Variants in ICA1 observed in about 807,000 individuals in gnomAD.
ICA1 encodes 69 kDa islet cell autoantigen.
Under a neutral mutation model 71.0 loss-of-function variants are expected in ICA1, and 40 were observed. The ratio of observed to expected loss-of-function variants is 0.56; its 90% CI spans 0.44 to 0.73. The LOEUF is 0.73. Among genes scored for constraint, ICA1 ranks in the 30% least tolerant of loss-of-function variants. ICA1 has a pLI of 0.00. For missense variants in ICA1, 578 were observed against 576.5 expected, an observed-to-expected ratio of 1.00 and a Z score of -0.03; for synonymous variants, 207 against 209.5, an observed-to-expected ratio of 0.99 and a Z score of 0.10.
In ICA1 at chr7:8,255,779, C is replaced by CTTTTTTT. The variant is rs573673718; in HGVS notation, c.-80+6308_-80+6314dup. 8.3e-4 allele frequency among the ~76,000 whole-genome samples: 110 copies of CTTTTTTT among 132,902 alleles called. 2 individuals are homozygous for CTTTTTTT. Among genetic ancestry groups the CTTTTTTT allele is most frequent in the African/African-American group, 2.7e-3 (90 of 32,884 alleles). 87.2% of individuals were successfully genotyped at this position (132,902 alleles called of 152,430 possible). On this transcript the variant is annotated intron_variant, in intron 1 of 13. Coordinates refer to ENST00000402384, the MANE Select transcript of ICA1 (RefSeq NM_001136020.3). The stretch of plus-strand genomic sequence containing the variant: ...TAAGTTGAAAACCTCACTTCTTTCT[C>CTTTTTTT]TTTTTTTTTTTTTTTGGCAGGGTCT...
intron 1 of ICA1, among the ~76,000 whole-genome samples, chr7:8,240,808 T>C (rs898851395): frequency 1.3e-5 from 2 of 151,962 alleles, no homozygotes; most frequent in Admixed American, 6.6e-5. Context: ...GAAGAAAGGG[T>C]AGGTATCAGT....
chr7:8,236,191 C>A (rs750826415), intron 1 of ICA1, among the ~76,000 whole-genome samples, 186 bp from the exon 2 acceptor site: 1 of 152,002 alleles, frequency 6.6e-6, no homozygotes, highest in African/African-American at 2.4e-5. Flanking sequence ...AGAAATATTC[C>A]AAATAAAGTT....
intron 2 of ICA1, 39 bp downstream of exon 2, chr7:8,235,867 GCTTT>G (rs1163434199): frequency 1.2e-5 from 19 of 1,591,834 alleles, no homozygotes; most frequent in Non-Finnish European, 1.4e-5. Context: ...TATGCTATAT[GCTTT>G]CTACTTTCCC....
At chr7:8,235,466 G>A (rs1279214769) in intron 2 of ICA1, among the ~76,000 whole-genome samples, 2 of 152,210 alleles carry the variant, frequency 1.3e-5, no homozygotes, top group Non-Finnish European at 2.9e-5. Flanking sequence ...GAATGTTCAG[G>A]AAGGTTGAAG....
At chr7:8,148,195 A>C (rs905801392) in intron 8 of ICA1, among the ~76,000 whole-genome samples, 3 of 152,294 alleles carry the variant, frequency 2.0e-5, no homozygotes, top group Admixed American at 6.5e-5. Context: ...CAAGTATATA[A>C]TCATACAGAA....
At chr7:8,169,910 G>GTGTGTGTC (rs1387943206) in intron 6 of ICA1, among the ~76,000 whole-genome samples, 15 of 151,456 alleles carry the variant, frequency 9.9e-5, no homozygotes, top group Non-Finnish European at 2.1e-4. Context: ...GAGTGTGTGT[G>GTGTGTGTC]TGTGTGTGTG....
At position 8,123,283 on chromosome 7, in the gene ICA1, G is replaced by A. The variant is rs1407796297; in HGVS notation, c.1330+4590C>T. 3.3e-5 allele frequency among the ~76,000 whole-genome samples: 5 copies of A among 152,182 alleles called. No individual in the cohort carries two copies. Among genetic ancestry groups the A allele is most frequent in the Non-Finnish European group, 7.3e-5 (5 of 68,042 alleles). On this transcript the variant is annotated intron_variant, in intron 13 of 13. Coordinates refer to ENST00000402384, the MANE Select transcript of ICA1 (RefSeq NM_001136020.3). The surrounding 1 kb of genome is among the most constrained non-coding windows in gnomAD (Gnocchi z 4.1). ...CCCCTTCCTCTCCATTTCCCCAGGG[G>A]ACTGGGGACAGAACGAGGAGAGAGG...
At chr7:8,183,695 T>C (rs978840984) in intron 6 of ICA1, among the ~76,000 whole-genome samples, 1 of 152,200 alleles carries the variant, frequency 6.6e-6, no homozygotes, top group Non-Finnish European at 1.5e-5. Context: ...AAAATGTATA[T>C]GAGAAGCTTT....
intron 1 of ICA1, among the ~76,000 whole-genome samples, chr7:8,258,907 T>G (rs1380411375): frequency 1.4e-4 from 21 of 152,210 alleles, no homozygotes; most frequent in Admixed American, 1.4e-3. Context: ...AGATGGAGAT[T>G]ATAATATCTA....
At chr7:8,137,603 T>C (rs543151531) in intron 12 of ICA1, among the ~76,000 whole-genome samples, 1 of 152,380 alleles carries the variant, frequency 6.6e-6, no homozygotes, top group South Asian at 2.1e-4. Context: ...TATGGCAATC[T>C]ACATTAACTG....
intron 6 of ICA1, among the ~76,000 whole-genome samples, chr7:8,197,056 T>A (rs1231279658): frequency 6.6e-6 from 1 of 151,998 alleles, no homozygotes; most frequent in Non-Finnish European, 1.5e-5. Flanking sequence ...TATATCTTTA[T>A]TAGCAGACTA....
chr7:8,183,431 T>C (rs947600611), intron 6 of ICA1, among the ~76,000 whole-genome samples: 4 of 152,178 alleles, frequency 2.6e-5, no homozygotes, highest in Admixed American at 1.3e-4. Flanking sequence ...CTGATGTGTA[T>C]ATGTTAGAGG....
chr7:8,221,490 C>T, intron 4 of ICA1, 92 bp from the exon 5 acceptor site: 4 of 1,419,338 alleles, frequency 2.8e-6, no homozygotes, highest in East Asian at 4.7e-5. Flanking sequence ...CCTCTCTCTT[C>T]CAGAGGCGAA....
chr7:8,231,594 T>C (rs1800288971), intron 3 of ICA1, among the ~76,000 whole-genome samples: 1 of 152,188 alleles, frequency 6.6e-6, no homozygotes, highest in African/African-American at 2.4e-5. Context: ...AAACTGGGTA[T>C]AGTTCTCCTA....
At position 8,130,312 on chromosome 7, in the gene ICA1, C is replaced by G. The variant is rs938443270; in HGVS notation, c.1061-2170G>C. On this transcript the variant is annotated intron_variant, in intron 12 of 13. Transcript: ENST00000402384. This position sits in a 1 kb window ranked among gnomAD's most constrained non-coding sequence, Gnocchi z 4.2. ...CCTGCACATGGTGGGCGAGGCAGGA[C>G]TGTAAGGTCAGGCAGGTGGCCCACC... 6.6e-5 allele frequency among the ~76,000 whole-genome samples: 10 copies of G among 152,080 alleles called. No individual in the cohort carries two copies. The highest frequency in any genetic ancestry group is 2.4e-4 in the African/African-American group (10 of 41,348).
chr7:8,229,176 C>T (rs1280838196), intron 3 of ICA1, among the ~76,000 whole-genome samples: 1 of 152,150 alleles, frequency 6.6e-6, no homozygotes, highest in East Asian at 1.9e-4. Context: ...CAAAATCAAT[C>T]AGCTGGATGT....
chr7:8,154,292 G>A (rs1800723876), intron 8 of ICA1, among the ~76,000 whole-genome samples: 1 of 152,170 alleles, frequency 6.6e-6, no homozygotes, highest in African/African-American at 2.4e-5. Flanking sequence ...TTCAGTAGAA[G>A]TAAAACTTTG....
At chr7:8,168,958 C>T (rs926468396) in intron 6 of ICA1, among the ~76,000 whole-genome samples, 2 of 152,124 alleles carry the variant, frequency 1.3e-5, no homozygotes, top group African/African-American at 2.4e-5. Context: ...ACTATGACCA[C>T]AATCATGATA....
intron 3 of ICA1, 45 bp from the exon 4 acceptor site, chr7:8,228,718 G>T (rs780533720): frequency 1.5e-6 from 2 of 1,327,204 alleles, no homozygotes; most frequent in African/African-American, 2.9e-5. Context: ...ACAGACAGTG[G>T]TGAGATAAAA....
Sources: allele counts gnomAD v4.1 joint callset (sites outside exome capture counted in the v4.1 genomes callset), GRCh38; gene constraint gnomAD v4.1.1; non-coding constraint Gnocchi (gnomAD v3.1); transcripts MANE v1.5; gene names NCBI Gene and HGNC (gene_info 2026-07-23, HGNC 2026-07-21).